The following ADCY9 variants were observed in gnomAD, a reference collection of about 807,000 sequenced individuals.
The protein encoded by ADCY9 is adenylate cyclase 9.
ADCY9 carries 50 observed loss-of-function variants against 101.5 expected under a neutral mutation model. That is an observed-to-expected ratio of 0.49 (90% CI 0.39 to 0.62). The LOEUF (loss-of-function observed/expected upper bound fraction) is 0.62. ADCY9 is among the 20% of genes least tolerant of loss of function. ADCY9 has a pLI of 0.00. For synonymous variants in ADCY9, 905 were observed against 769.3 expected, an observed-to-expected ratio of 1.18 and a Z score of -2.92; for missense variants, 1,662 against 1,800.4, an observed-to-expected ratio of 0.92 and a Z score of 1.39.
intron 3 of ADCY9, among the ~76,000 whole-genome samples, chr16:4,001,589 C>A (rs2056331092): frequency 6.6e-6 from 1 of 152,086 alleles, no homozygotes; most frequent in Non-Finnish European, 1.5e-5. Context: ...CATTCTAGTG[C>A]CCAGGCTAGA....
At chr16:3,990,834 T>C (rs2056238306) in intron 5 of ADCY9, among the ~76,000 whole-genome samples, 1 of 152,224 alleles carries the variant, frequency 6.6e-6, no homozygotes. Context: ...AGACTCGCTC[T>C]GTTGCCCAGG....
intron 2 of ADCY9, among the ~76,000 whole-genome samples, chr16:4,011,185 G>C (rs960607061): frequency 2.6e-5 from 4 of 152,132 alleles, no homozygotes; most frequent in African/African-American, 7.2e-5. Context: ...AGGCAGGGGG[G>C]TTACTAGAAC....
downstream of ADCY9, among the ~76,000 whole-genome samples, chr16:3,961,988 G>A (rs894938744): frequency 2.0e-5 from 3 of 151,222 alleles, no homozygotes; most frequent in Admixed American, 6.6e-5. Flanking sequence ...ATCGCACCAC[G>A]GCACTCCAGC....
At chr16:4,093,482 T>C (rs1340232505) in intron 2 of ADCY9, among the ~76,000 whole-genome samples, 2 of 152,186 alleles carry the variant, frequency 1.3e-5, no homozygotes, top group African/African-American at 4.8e-5. Context: ...GTCTGGACAC[T>C]AGTGAAAATG....
At chr16:4,049,278 G>C (rs1332572583) in intron 2 of ADCY9, among the ~76,000 whole-genome samples, 1 of 152,090 alleles carries the variant, frequency 6.6e-6, no homozygotes, top group Non-Finnish European at 1.5e-5. Context: ...GAGAGAAGAG[G>C]GTCCAGGGAA....
At chr16:4,002,432 T>C (rs949324957) in intron 3 of ADCY9, among the ~76,000 whole-genome samples, 2 of 152,122 alleles carry the variant, frequency 1.3e-5, no homozygotes, top group Admixed American at 6.6e-5. Context: ...CTGAGGTGAG[T>C]GGCCTTAAAG....
chr16:4,037,719 T>C (rs2056599051), intron 2 of ADCY9, among the ~76,000 whole-genome samples: 1 of 152,220 alleles, frequency 6.6e-6, no homozygotes, highest in Admixed American at 6.5e-5. Context: ...TGATGAGTGA[T>C]GCTGAGCATT....
chr16:4,054,784 G>T (rs1384606511), intron 2 of ADCY9, among the ~76,000 whole-genome samples: 2 of 152,026 alleles, frequency 1.3e-5, no homozygotes, highest in Non-Finnish European at 2.9e-5. Flanking sequence ...AGCCAGGATG[G>T]TCTAAATCTC....
intron 2 of ADCY9, among the ~76,000 whole-genome samples, chr16:4,082,102 G>A (rs969427267): frequency 2.0e-5 from 3 of 152,084 alleles, no homozygotes; most frequent in African/African-American, 7.2e-5. Flanking sequence ...TGAAGGTTGG[G>A]CAGTGGCTCA....
At chr16:3,985,383 G>A (rs888864484) in intron 6 of ADCY9, among the ~76,000 whole-genome samples, 4 of 152,088 alleles carry the variant, frequency 2.6e-5, no homozygotes, top group Non-Finnish European at 4.4e-5. Context: ...TGATCTGCCT[G>A]CCTCGGCCTC....
intron 2 of ADCY9, among the ~76,000 whole-genome samples, chr16:4,096,927 TA>T (rs1218929840): frequency 6.6e-6 from 1 of 152,020 alleles, no homozygotes; most frequent in Non-Finnish European, 1.5e-5. Context: ...TAGCATTACA[TA>T]AAAATCCTGG....
chr16:4,013,670 G>T (rs1438606981), intron 2 of ADCY9, among the ~76,000 whole-genome samples: 1 of 152,142 alleles, frequency 6.6e-6, no homozygotes, highest in East Asian at 1.9e-4. Flanking sequence ...CGACTAGGTC[G>T]GAAACGACCA....
At chr16:3,956,488 C>CTTTT (rs1555504577) in intron 5 of ADCY9, among the ~76,000 whole-genome samples, 7 of 68,794 alleles carry the variant, frequency 1.0e-4, no homozygotes, top group East Asian at 8.5e-4. Flanking sequence ...GCGCAATGAG[C>CTTTT]TTTTTTTTTT....
chr16:3,985,193 G>T (rs1253371571), intron 6 of ADCY9, among the ~76,000 whole-genome samples: 1 of 135,410 alleles, frequency 7.4e-6, no homozygotes, highest in Non-Finnish European at 1.5e-5. Flanking sequence ...AGGCTGGAGT[G>T]CAGTGGCGCG....
At chr16:4,104,575 G>A (rs1324402696) in intron 2 of ADCY9, among the ~76,000 whole-genome samples, 4 of 152,034 alleles carry the variant, frequency 2.6e-5, no homozygotes, top group Admixed American at 6.5e-5. Flanking sequence ...TAGCACCACT[G>A]CACTCCAGCC....
In ADCY9 at chr16:3,974,671, G is replaced by A; in HGVS notation, c.2868C>T (p.Phe956=). ...GAAGTGCAATATTAAAAGCTTACCT[G>A]AAATTCTGTACTGCGTCAAGGGGCG... ...LTSPLDAVQN[F]SSERNPCNSS... is the part of the protein sequence containing the mutation. The change falls in exon 10 of 11, where the codon TTC becomes TTT. Residue 956 remains phenylalanine, a splice_region_variant and synonymous_variant. Coordinates refer to ENST00000294016, the MANE Select transcript of ADCY9 (RefSeq NM_001116.4). The A allele has an allele frequency of 6.2e-7, 1 of 1,612,106 alleles. No individual in the cohort carries two copies. The highest frequency in any genetic ancestry group is 8.5e-7 in the Non-Finnish European group (1 of 1,178,418).
chr16:4,089,060 A>G (rs1029559429), intron 2 of ADCY9, among the ~76,000 whole-genome samples: 1 of 151,992 alleles, frequency 6.6e-6, no homozygotes, highest in Non-Finnish European at 1.5e-5. Context: ...AGTTCCTAGA[A>G]ATGGAATCAT....
chr16:4,060,643 T>C (rs1280034924), intron 2 of ADCY9, among the ~76,000 whole-genome samples: 1 of 149,406 alleles, frequency 6.7e-6, no homozygotes, highest in Non-Finnish European at 1.5e-5. Flanking sequence ...AAAAAAAAAA[T>C]GAGCAGGATC....
intron 2 of ADCY9, among the ~76,000 whole-genome samples, chr16:4,086,488 C>T (rs963460026): frequency 7.9e-5 from 12 of 152,094 alleles, no homozygotes; most frequent in Admixed American, 3.9e-4. Context: ...GGATCATGGA[C>T]GTGAGGAGAC....
Sources: gnomAD v4.1 joint callset for allele counts (sites outside exome capture counted in the v4.1 genomes callset) on GRCh38, gnomAD v4.1.1 for gene constraint, MANE v1.5 for transcripts, NCBI Gene and HGNC (gene_info 2026-07-23, HGNC 2026-07-21) for gene names.